The following UVSSA variants were observed in gnomAD, a reference collection of about 807,000 sequenced individuals.
UVSSA encodes the protein UV stimulated scaffold protein A, also known as UV-stimulated scaffold protein A.
In UVSSA, 72 loss-of-function variants were observed where a neutral mutation model predicts 73.9. The ratio of observed to expected loss-of-function variants is 0.97; its 90% CI spans 0.81 to 1.19. UVSSA has a LOEUF of 1.19. Ranked by LOEUF, UVSSA falls within the 50% of genes most tolerant of loss-of-function variation. UVSSA has a pLI of 0.00. For synonymous variants in UVSSA, 454 were observed against 391.3 expected (o/e 1.16, Z -1.89); for missense variants, 1,150 against 965.0 (o/e 1.19, Z -2.54).
upstream of UVSSA, among the ~76,000 whole-genome samples, chr4:1,346,906 G>A (rs940327842): frequency 6.6e-6 from 1 of 152,238 alleles, no homozygotes; most frequent in East Asian, 1.9e-4. Context: ...ACCCCCGGCA[G>A]CCTGCCTCGC....
At chr4:1,344,240 A>G (rs1156867146), upstream of UVSSA, among the ~76,000 whole-genome samples, 3 of 152,140 alleles carry the variant, frequency 2.0e-5, no homozygotes, top group Non-Finnish European at 4.4e-5. Context: ...TTCTTTTAAA[A>G]TATCTTTTAG....
At chr4:1,394,805 A>ACACGTGCCCATGTGGAGTGCCCGCCTGCT (rs558358960) in exon 14 of UVSSA, 15 of 1,525,298 alleles carry the variant, frequency 9.8e-6, no homozygotes, top group African/African-American at 6.7e-5. Context: ...ACCTGCTCAC[A>ACACGTGCCCATGTGGAGTGCCCGCCTGCT]CACGTGCCCA....
At position 1,380,912 on chromosome 4, in the gene UVSSA, C is replaced by G; in HGVS notation, c.1785C>G (p.Asp595Glu). ...TCCATGGGAAGATTGTTCCACGGGA[C>G]GACGAAGGACGGCCGCTCGACCCGG... ...CPFHGKIVPR[D>E]DEGRPLDPED... The change falls in exon 12 of 14, where the codon GAC becomes GAG. Residue 595 changes from aspartate to glutamate, a missense_variant. Coordinates refer to ENST00000389851, the MANE Select transcript of UVSSA (RefSeq NM_020894.4). The G allele has an allele frequency of 6.2e-7, 1 of 1,613,036 alleles. No individual in the cohort carries two copies. The highest frequency in any genetic ancestry group is 8.5e-7 in the Non-Finnish European group (1 of 1,179,962).
chr4:1,349,469 C>T, intron 2 of UVSSA, 55 bp from the exon 3 acceptor site: 1 of 1,549,910 alleles, frequency 6.5e-7, no homozygotes, highest in Non-Finnish European at 8.8e-7. Flanking sequence ...GAGAGTCTCC[C>T]CCCGCCCATC....
Position 1,375,513 on chromosome 4 carries a change from C to T in UVSSA, c.1433+5C>T. On this transcript the variant is annotated splice_donor_5th_base_variant and intron_variant, in intron 9 of 13. Transcript: ENST00000389851. ...GCCTCCACCCTCATCTGCCAGGTGA[C>T]TCCCAGTGTCCTGTGTGCTGAGCCC... The T allele has an allele frequency of 6.2e-7, 1 of 1,608,034 alleles. No individual in the cohort carries two copies. Among genetic ancestry groups the T allele is most frequent in the Non-Finnish European group, 8.5e-7 (1 of 1,179,468 alleles).
At position 1,354,871 on chromosome 4, in the gene UVSSA, TG is replaced by T. The variant is rs754411550; in HGVS notation, c.1047+27del. 30 of 1,551,372 alleles carry T rather than the reference TG, an allele frequency of 1.9e-5. No individual in the cohort carries two copies. The East Asian group carries it at 6.7e-4, about 35-fold the overall frequency. ...AGGTGAGCCTCGAACCTGGGACCTG[TG>T]GGTGGAGGGACGTGTGCAGAGTGCC... is the stretch of plus-strand genomic sequence containing the variant. On this transcript the variant is annotated intron_variant, in intron 6 of 13. Coordinates refer to ENST00000389851, the MANE Select transcript of UVSSA (RefSeq NM_020894.4).
chr4:1,363,136 G>T (rs4974609), intron 7 of UVSSA, among the ~76,000 whole-genome samples: 71,676 of 151,786 alleles, frequency 0.47, 17,191 homozygotes, highest in East Asian at 0.69. Flanking sequence ...CTCAGTAGTT[G>T]CAAGCTGAAG....
chr4:1,348,269 C>G, intron 2 of UVSSA, 80 bp downstream of exon 2: 2 of 1,133,946 alleles, frequency 1.8e-6, no homozygotes, highest in Admixed American at 1.8e-5. Context: ...CTCCTGCCCC[C>G]ACCTGGGAGA....
upstream of UVSSA, among the ~76,000 whole-genome samples, chr4:1,342,426 A>G (rs1713464662): frequency 6.6e-6 from 1 of 152,190 alleles, no homozygotes; most frequent in African/African-American, 2.4e-5. Flanking sequence ...ATTTGTAGGG[A>G]TTCCTCACAT....
chr4:1,379,699 C>T (rs1286816225), intron 10 of UVSSA, among the ~76,000 whole-genome samples: 4 of 152,166 alleles, frequency 2.6e-5, no homozygotes, highest in Non-Finnish European at 5.9e-5. Flanking sequence ...CGCCCTTGTC[C>T]TATAGGGAGA....
Position 1,395,728 on chromosome 4 carries a change from G to A in UVSSA, c.*9767G>A, listed in dbSNP as rs747644053. 1.9e-5 allele frequency: 31 copies of A among 1,614,104 alleles called. No individual in the cohort carries two copies. The highest frequency in any genetic ancestry group is 1.3e-4 in the East Asian group (6 of 44,898). ...CACAAAGCCCTGGCATGGTGGTTCT[G>A]TAGGTTTCCTGTCCTGCCGGCCGAG... On this transcript the variant is annotated 3_prime_UTR_variant, in exon 14 of 14. Coordinates refer to the UVSSA transcript ENST00000511216.
chr4:1,349,001 C>T (rs1359743477), intron 2 of UVSSA, among the ~76,000 whole-genome samples: 2 of 119,762 alleles, frequency 1.7e-5, no homozygotes, highest in African/African-American at 3.4e-5. Context: ...GGGCGGTGTG[C>T]GTTGTGCCGG....
chr4:1,375,220 G>A, intron 8 of UVSSA, 144 bp from the exon 9 acceptor site: 2 of 1,355,182 alleles, frequency 1.5e-6, no homozygotes, highest in South Asian at 2.7e-5. Flanking sequence ...TCGCCCGTGA[G>A]GAGCAGATAG....
In UVSSA at chr4:1,386,333, G is replaced by C. The variant is rs1321820641; in HGVS notation, c.*372G>C. The C allele has an allele frequency of 5.1e-6, 1 of 194,880 alleles. No individual in the cohort carries two copies. Among genetic ancestry groups the C allele is most frequent in the Non-Finnish European group, 1.1e-5 (1 of 93,332 alleles). The allele number at this position is 194,880 out of a possible 1,614,324, so 12.1% of individuals were successfully genotyped here. On this transcript the variant is annotated 3_prime_UTR_variant, in exon 14 of 14. Coordinates refer to ENST00000389851, the MANE Select transcript of UVSSA (RefSeq NM_020894.4). ...AGCGTGCATTCCCCAGCCAGGAGGC[G>C]ACCACTCAGAGGAACTCTGGGAAAC...
At position 1,379,677 on chromosome 4, in the gene UVSSA, C is replaced by T. The variant is rs887204273; in HGVS notation, c.1569-370C>T. Among the ~76,000 whole-genome samples, 9 of 152,216 alleles carry T rather than the reference C, an allele frequency of 5.9e-5. 1 individual carries two copies. The highest frequency in any genetic ancestry group is 3.3e-4 in the Admixed American group (5 of 15,284). ...GGCCTTCAAGGTCACGCCTCAAGGA[C>T]GCAGCAGCTGTCGCCCTTGTCCTAT... On this transcript the variant is annotated intron_variant, in intron 10 of 13. Coordinates refer to ENST00000389851, the MANE Select transcript of UVSSA (RefSeq NM_020894.4).
At chr4:1,375,848 CGA>C (rs1192328725) in intron 9 of UVSSA, among the ~76,000 whole-genome samples, 184 bp from the exon 10 acceptor site, 5 of 152,236 alleles carry the variant, frequency 3.3e-5, no homozygotes, top group African/African-American at 1.2e-4. Flanking sequence ...CAGCTGTTGG[CGA>C]GGGCCCAGAG....
At chr4:1,375,201 G>A in intron 8 of UVSSA, 163 bp from the exon 9 acceptor site, 1 of 1,173,598 alleles carries the variant, frequency 8.5e-7, no homozygotes, top group Non-Finnish European at 1.2e-6. Context: ...GCTGCTCCGG[G>A]CCTCACCCTC....
chr4:1,395,352 T>A (rs1435947160), exon 14 of UVSSA: 4 of 1,487,346 alleles, frequency 2.7e-6, no homozygotes, highest in Non-Finnish European at 3.6e-6. Context: ...GGTGCCCGCC[T>A]GCTCACATGT....
chr4:1,360,383 C>T lies in UVSSA; in HGVS notation c.1176+5138C>T, dbSNP rs148387261. Among the ~76,000 whole-genome samples, 602 of 147,574 alleles carry T rather than the reference C, an allele frequency of 4.1e-3. 6 individuals are homozygous for T. The highest frequency in any genetic ancestry group is 0.015 in the African/African-American group (580 of 39,294). Reference sequence around the variant, plus strand: ...ACAAGCCCAGCGCTCCTTGAAACACCGCCCCATGCTGTTACCCCTTTCGTT... The same window carrying T: ...ACAAGCCCAGCGCTCCTTGAAACACTGCCCCATGCTGTTACCCCTTTCGTT... On this transcript the variant is annotated intron_variant, in intron 7 of 13. Coordinates refer to ENST00000389851, the MANE Select transcript of UVSSA (RefSeq NM_020894.4).
Sources: allele counts gnomAD v4.1 joint callset (sites outside exome capture counted in the v4.1 genomes callset), GRCh38; gene constraint gnomAD v4.1.1; transcripts MANE v1.5; gene names NCBI Gene and HGNC (gene_info 2026-07-23, HGNC 2026-07-21).